USP8: variants seen among roughly 807,000 people sequenced by gnomAD.
USP8 encodes the protein ubiquitin specific peptidase 8.
Under a neutral mutation model 130.0 loss-of-function variants are expected in USP8, and 27 were observed. The observed-to-expected ratio is 0.21, with a 90% CI of 0.15 to 0.29. The LOEUF (loss-of-function observed/expected upper bound fraction) is 0.29. Among genes scored for constraint, USP8 ranks in the 10% least tolerant of loss-of-function variants. The pLI is 1.00. For synonymous variants in USP8, 392 were observed against 444.1 expected (o/e 0.88, Z 1.48); for missense variants, 1,029 against 1,312.2 (o/e 0.78, Z 3.33).
intron 1 of USP8, among the ~76,000 whole-genome samples, chr15:50,433,640 C>T (rs1249692636): frequency 6.6e-6 from 1 of 152,108 alleles, no homozygotes. Flanking sequence ...GATGGAGTCT[C>T]TGTTGCCCAG....
intron 1 of USP8, among the ~76,000 whole-genome samples, chr15:50,432,906 G>C (rs1438444605): frequency 6.6e-6 from 1 of 152,182 alleles, no homozygotes; most frequent in African/African-American, 2.4e-5. Flanking sequence ...ATTAAATCTT[G>C]AGAGGGTTGA....
chr15:50,453,551 G>T (rs2141271301), intron 4 of USP8, among the ~76,000 whole-genome samples: 1 of 152,236 alleles, frequency 6.6e-6, no homozygotes, highest in Non-Finnish European at 1.5e-5. Context: ...TGGTCTCTTG[G>T]TGAACGTACC....
In USP8 at chr15:50,477,461, A is replaced by T; in HGVS notation, c.1180A>T (p.Ile394Leu). ...TGCTTCTAAATCTGATGTTTCACCCATAATTCAGCCAGTGCCTAGTATAAA... is the reference window on the plus strand; with the variant it reads ...TGCTTCTAAATCTGATGTTTCACCCTTAATTCAGCCAGTGCCTAGTATAAA... ...VAASKSDVSP[I>L]IQPVPSIKNV... Residue 394 changes from isoleucine to leucine, a missense_variant, in exon 10 of 20, where the codon ATA (isoleucine) becomes TTA (leucine). Physicochemically the swap from Ile to Leu is conservative, Grantham distance 5. Around this residue, in one of 4 missense-constraint regions of USP8, gnomAD observed 486 missense variants for 522.0 expected, o/e 0.93. Transcript: ENST00000307179. 6.2e-7 allele frequency: 1 copy of T among 1,614,132 alleles called. No individual in the cohort carries two copies. Among genetic ancestry groups the T allele is most frequent in the South Asian group, 1.1e-5 (1 of 91,068 alleles).
intron 3 of USP8, among the ~76,000 whole-genome samples, chr15:50,442,759 CAAAAA>C (rs1279861541): frequency 1.3e-5 from 2 of 152,004 alleles, no homozygotes; most frequent in Non-Finnish European, 2.9e-5. Context: ...AAAAAACAAA[CAAAAA>C]CAAACTAGCA....
At chr15:50,446,121 A>C (rs962881164) in intron 3 of USP8, among the ~76,000 whole-genome samples, 1 of 152,192 alleles carries the variant, frequency 6.6e-6, no homozygotes. Context: ...TTAGGAAATC[A>C]TGAAAGTTGT....
At chr15:50,478,256 C>T (rs2051639079) in intron 10 of USP8, among the ~76,000 whole-genome samples, 2 of 152,050 alleles carry the variant, frequency 1.3e-5, no homozygotes, top group Admixed American at 6.6e-5. Flanking sequence ...GCATGTTTAA[C>T]AATAATCATG....
intron 4 of USP8, among the ~76,000 whole-genome samples, chr15:50,456,384 A>G (rs900433370): frequency 6.7e-6 from 1 of 150,100 alleles, no homozygotes. Context: ...GGCCTAGCCA[A>G]CATAGTGAAA....
rs762964593 is a variant in USP8 at position 50,484,348 on chromosome 15, C to A, written c.1877C>A (p.Thr626Asn). The change falls in exon 12 of 20, where the codon ACC (threonine) becomes AAC (asparagine). Residue 626 changes from threonine to asparagine, a missense_variant. Thr to Asn is a moderately conservative substitution (Grantham distance 65). Around this residue, in one of 4 missense-constraint regions of USP8, gnomAD observed 486 missense variants for 522.0 expected, o/e 0.93. Transcript: ENST00000307179. ...TGTFREDTDDTERNKAQREPL... is the reference protein window; with the variant it reads ...TGTFREDTDDNERNKAQREPL... ...ACTTTTAGAGAGGATACAGACGATA[C>A]CGAAAGAAATAAAGTAAGTAGTTTA... 5.0e-6 allele frequency: 8 copies of A among 1,610,172 alleles called. No homozygotes were observed. Among genetic ancestry groups the A allele is most frequent in the Non-Finnish European group, 5.9e-6 (7 of 1,178,556 alleles).
chr15:50,489,765 ATTTT>A lies in USP8; in HGVS notation c.1891-30_1891-27del, dbSNP rs546199809. ...AATTGAAAAATCAGATTTAAAAAAA[ATTTT>A]TTTTTAATTTTTTTTATTTTATTTT... On this transcript the variant is annotated intron_variant, in intron 12 of 19. Transcript: ENST00000307179. The A allele has an allele frequency of 1.2e-4, 157 of 1,320,776 alleles. No homozygotes were observed. In the African/African-American group the frequency reaches 2.3e-3, roughly 20 times the overall value. 81.8% of individuals were successfully genotyped at this position (1,320,776 alleles called of 1,614,324 possible). A position where few individuals can be genotyped will look rare whatever the true frequency, so the allele number is the denominator to read the frequency against.
At chr15:50,485,307 G>A (rs1009575489) in intron 12 of USP8, among the ~76,000 whole-genome samples, 18 of 151,802 alleles carry the variant, frequency 1.2e-4, no homozygotes, top group South Asian at 4.2e-4. Context: ...AAAATTAGCC[G>A]GGCGTGGTGG....
intron 11 of USP8, 132 bp downstream of exon 11, chr15:50,482,197 C>T (rs1013142415): frequency 3.9e-6 from 3 of 769,978 alleles, no homozygotes; most frequent in Middle Eastern, 2.5e-4. Context: ...ATGTACTGAT[C>T]TATCCACATT....
chr15:50,464,764 G>C (rs1361328425), intron 6 of USP8, among the ~76,000 whole-genome samples: 1 of 152,212 alleles, frequency 6.6e-6, no homozygotes. Context: ...TGAGGCAGGA[G>C]AATCACTTGA....
chr15:50,442,403 A>G (rs773289470), intron 3 of USP8, among the ~76,000 whole-genome samples: 16 of 152,178 alleles, frequency 1.1e-4, no homozygotes, highest in African/African-American at 3.4e-4. Flanking sequence ...GATGACTAGG[A>G]TAAGTGTTGA....
chr15:50,471,751 C>G lies in USP8; in HGVS notation c.805C>G (p.Gln269Glu). The change falls in exon 8 of 20, where the codon CAG (glutamine) becomes GAG (glutamate). Residue 269 changes from glutamine to glutamate, a missense_variant. Physicochemically the swap from Gln to Glu is conservative, Grantham distance 29. Around this residue, in one of 4 missense-constraint regions of USP8, gnomAD observed 281 missense variants for 336.7 expected, o/e 0.83. Coordinates refer to ENST00000307179, the MANE Select transcript of USP8 (RefSeq NM_005154.5). The part of the protein sequence containing the change: ...LDWFSSAKDL[Q>E]IGTTLRSLKD... ...CTGGTTTAGTTCTGCCAAAGATTTA[C>G]AGATTGGAACAACTCTCCGGAGTCT... is the stretch of plus-strand genomic sequence containing the variant. The G allele has an allele frequency of 6.2e-7, 1 of 1,614,042 alleles. No individual in the cohort carries two copies. The highest frequency in any genetic ancestry group is 8.5e-7 in the Non-Finnish European group (1 of 1,180,016).
rs370591292 is a variant in USP8, at chr15:50,434,777, G to A, written c.-65-4232G>A. On this transcript the variant is annotated intron_variant, in intron 1 of 19. Coordinates refer to ENST00000307179, the MANE Select transcript of USP8 (RefSeq NM_005154.5). ...AATTACAGGCATGTGCCACCACCAC[G>A]CCTGGCTAATTTTTGTATTTTTAAT... is the stretch of plus-strand genomic sequence containing the variant. Among the ~76,000 whole-genome samples the A allele has an allele frequency of 3.3e-5, 5 of 151,814 alleles. No homozygotes were observed. In the South Asian group the frequency reaches 8.4e-4, roughly 25 times the overall value.
chr15:50,501,884 A>G lies in USP8; in HGVS notation c.*2796A>G, dbSNP rs1178917415. ...TAATAATAGTATTGTTATATGTGAA[A>G]ATTTTATGAAATTCAAATGTCAATG... On this transcript the variant is annotated 3_prime_UTR_variant, in exon 20 of 20. Coordinates refer to ENST00000307179, the MANE Select transcript of USP8 (RefSeq NM_005154.5). The G allele has an allele frequency of 6.6e-6, 1 of 152,152 alleles. No homozygotes were observed. The highest frequency in any genetic ancestry group is 1.5e-5 in the Non-Finnish European group (1 of 68,036). 9.4% of individuals were successfully genotyped at this position (152,152 alleles called of 1,614,324 possible).
intron 3 of USP8, among the ~76,000 whole-genome samples, chr15:50,445,064 C>A (rs1227707429): frequency 1.3e-5 from 2 of 151,948 alleles, no homozygotes; most frequent in Non-Finnish European, 2.9e-5. Flanking sequence ...AGTTGCAGAA[C>A]TGTTTTCTGT....
intron 16 of USP8, among the ~76,000 whole-genome samples, chr15:50,495,510 C>G (rs2052363537): frequency 6.7e-6 from 1 of 150,218 alleles, no homozygotes; most frequent in Non-Finnish European, 1.5e-5. Context: ...CTATGTTGCA[C>G]AAGTTGGTCT....
At position 50,503,510 on chromosome 15, in the gene USP8, A is replaced by G. The variant is rs906852971; in HGVS notation, c.*4422A>G. ...AGAAGTTGGATTGAGATCCACATAC[A>G]AAGCCAGGACCTTTAAAGACATTCA... On this transcript the variant is annotated 3_prime_UTR_variant, in exon 20 of 20. Transcript: ENST00000307179. 6.6e-6 allele frequency: 1 copy of G among 152,244 alleles called. No homozygotes were observed. The highest frequency in any genetic ancestry group is 1.5e-5 in the Non-Finnish European group (1 of 68,078). 9.4% of individuals were successfully genotyped at this position (152,244 alleles called of 1,614,324 possible).
Sources: gnomAD v4.1 joint callset for allele counts (sites outside exome capture counted in the v4.1 genomes callset) on GRCh38, gnomAD v4.1.1 for gene constraint, gnomAD v4.1.1 regional missense constraint, MANE v1.5 for transcripts, NCBI Gene and HGNC (gene_info 2026-07-23, HGNC 2026-07-21) for gene names.